Variants in ZWILCH observed in about 807,000 individuals in gnomAD.
The protein encoded by ZWILCH is protein zwilch homolog.
ZWILCH carries 74 observed loss-of-function variants against 79.9 expected under a neutral mutation model. The observed-to-expected ratio is 0.93, with a 90% CI of 0.77 to 1.12. The LOEUF (loss-of-function observed/expected upper bound fraction) is 1.12, where lower values mean the gene tolerates loss of function less well. ZWILCH is among the 50% of genes most tolerant of loss of function. ZWILCH has a pLI of 0.00. For missense variants in ZWILCH, 694 were observed against 687.5 expected (o/e 1.01, Z -0.11); for synonymous variants, 241 against 228.2 (o/e 1.06, Z -0.51).
chr15:66,540,276 G>GATTACAGGCGTGAGCCGCTGTGCCCAGC, intron 17 of ZWILCH, 66 bp downstream of exon 17: 1 of 1,361,688 alleles, frequency 7.3e-7, no homozygotes, highest in Non-Finnish European at 1.0e-6. Flanking sequence ...GTCTGGCTGG[G>GATTACAGGCGTGAGCCGCTGTGCCCAGC]CACAGCGGCT....
chr15:66,545,319 A>G (rs1895334947), intron 17 of ZWILCH, among the ~76,000 whole-genome samples: 1 of 152,048 alleles, frequency 6.6e-6, no homozygotes, highest in South Asian at 2.1e-4. Flanking sequence ...ACGCCATTGC[A>G]CTCCAGCCTG....
chr15:66,524,871 A>G (rs1372029950), intron 8 of ZWILCH, among the ~76,000 whole-genome samples: 2 of 151,954 alleles, frequency 1.3e-5, no homozygotes, highest in African/African-American at 4.8e-5. Context: ...GGCCTCCATC[A>G]TACTTTTGCC....
At chr15:66,523,114 C>T (rs1010147814) in intron 7 of ZWILCH, among the ~76,000 whole-genome samples, 18 of 152,202 alleles carry the variant, frequency 1.2e-4, no homozygotes, top group East Asian at 5.8e-4. Flanking sequence ...TGAGCTACTG[C>T]GCCCAGACAT....
rs200469112 is a variant in ZWILCH at position 66,505,345 on chromosome 15, G to C, written c.7G>C (p.Glu3Gln). 6.2e-7 allele frequency: 1 copy of C among 1,613,940 alleles called. No homozygotes were observed. The highest frequency in any genetic ancestry group is 8.5e-7 in the Non-Finnish European group (1 of 1,180,004). The stretch of plus-strand genomic sequence containing the variant: ...GCTCTCACATTGGGGCGGGATGTGG[G>C]AGCGGCTGAACTGCGCAGCAGAGGA... MW[E>Q]RLNCAAEDFY... Residue 3 changes from glutamate (E) to glutamine (Q), a missense_variant, in exon 1 of 19, where the codon GAG (glutamate) becomes CAG (glutamine). By Grantham distance (29) the Glu-to-Gln change is conservative. Transcript: ENST00000307897.
chr15:66,536,476 C>G (rs1895020007), intron 15 of ZWILCH, among the ~76,000 whole-genome samples: 2 of 152,142 alleles, frequency 1.3e-5, no homozygotes, highest in Non-Finnish European at 2.9e-5. Flanking sequence ...AGTAGCATTG[C>G]TGTAATTGTA....
chr15:66,510,807 A>G (rs1171013539), intron 2 of ZWILCH, among the ~76,000 whole-genome samples: 1 of 152,160 alleles, frequency 6.6e-6, no homozygotes, highest in African/African-American at 2.4e-5. Flanking sequence ...TTGTAAACAC[A>G]TCACTCAAAT....
In ZWILCH at chr15:66,527,278, A is replaced by G; in HGVS notation, c.820-12A>G. On this transcript the variant is annotated splice_polypyrimidine_tract_variant and intron_variant, in intron 8 of 18. Coordinates refer to ENST00000307897, the MANE Select transcript of ZWILCH (RefSeq NM_017975.5). ...TGCTAACAAGTTTTTGGGGTTTTTA[A>G]ATCTCCTGTAGGTTTTGGCTGATGG... The G allele has an allele frequency of 6.2e-7, 1 of 1,610,136 alleles. No individual in the cohort carries two copies. Among genetic ancestry groups the G allele is most frequent in the Non-Finnish European group, 8.5e-7 (1 of 1,177,872 alleles).
intron 1 of ZWILCH, among the ~76,000 whole-genome samples, chr15:66,506,409 C>T (rs1378993369): frequency 1.3e-5 from 2 of 152,190 alleles, no homozygotes; most frequent in Non-Finnish European, 2.9e-5. Context: ...TGGTTCACGC[C>T]TGTAATCCCA....
chr15:66,545,456 G>A (rs769374970), intron 17 of ZWILCH, among the ~76,000 whole-genome samples: 8 of 152,350 alleles, frequency 5.3e-5, no homozygotes, highest in Middle Eastern at 3.4e-3. Flanking sequence ...GAATAAGCAA[G>A]TATACTGAAC....
chr15:66,540,250 A>G (rs748552702), intron 17 of ZWILCH, 40 bp downstream of exon 17: 1 of 1,521,058 alleles, frequency 6.6e-7, no homozygotes, highest in South Asian at 1.2e-5. Context: ...AATAATTCCA[A>G]CAGAAAATAA....
At chr15:66,525,545 T>G (rs940880674) in intron 8 of ZWILCH, among the ~76,000 whole-genome samples, 2 of 152,158 alleles carry the variant, frequency 1.3e-5, no homozygotes, top group African/African-American at 4.8e-5. Flanking sequence ...AGTTAAAATC[T>G]TTACCATCTT....
chr15:66,523,869 A>G, intron 8 of ZWILCH, 121 bp downstream of exon 8: 1 of 638,716 alleles, frequency 1.6e-6, no homozygotes, highest in Non-Finnish European at 2.5e-6. Flanking sequence ...TATCCATTAG[A>G]AGCTCTGACA....
chr15:66,509,869 ATCTCTTAAAAATCAATGAGGAAGATG>A (rs1567039484), intron 2 of ZWILCH, among the ~76,000 whole-genome samples: 2 of 102,226 alleles, frequency 2.0e-5, no homozygotes, highest in Non-Finnish European at 4.2e-5. Context: ...ATATATATAT[ATCTCTTAAAAATCAATGAGGAAGATG>A]GCTGGGCACG....
At chr15:66,526,652 C>T (rs1338791608) in intron 8 of ZWILCH, among the ~76,000 whole-genome samples, 6 of 151,886 alleles carry the variant, frequency 4.0e-5, no homozygotes, top group East Asian at 3.9e-4. Context: ...ATAGTAGAGA[C>T]GGGGTTTCAC....
At position 66,529,224 on chromosome 15, in the gene ZWILCH, A is replaced by G. The variant is rs1346343930; in HGVS notation, c.1075+267A>G. Among the ~76,000 whole-genome samples, 29 of 152,168 alleles carry G rather than the reference A, an allele frequency of 1.9e-4. 1 individual carries two copies. The highest frequency in any genetic ancestry group is 4.4e-5 in the Non-Finnish European group (3 of 68,034). The stretch of plus-strand genomic sequence containing the variant: ...TCTATTTATATGAACCAAAACATAT[A>G]CCTTACTGAAATTATAATTATTGAA... On this transcript the variant is annotated intron_variant, in intron 11 of 18. Transcript: ENST00000307897.
intron 2 of ZWILCH, among the ~76,000 whole-genome samples, chr15:66,509,511 A>G (rs924213608): frequency 2.0e-5 from 3 of 152,042 alleles, no homozygotes; most frequent in Non-Finnish European, 4.4e-5. Flanking sequence ...AATTCATTCT[A>G]TTTCTGAGTA....
At position 66,548,369 on chromosome 15, in the gene ZWILCH, A is replaced by G. The variant is rs565500481; in HGVS notation, c.*45A>G. 13 of 495,532 alleles carry G rather than the reference A, an allele frequency of 2.6e-5. No individual in the cohort carries two copies. In the Admixed American group the frequency reaches 3.8e-4, roughly 15 times the overall value. 30.7% of individuals were successfully genotyped at this position (495,532 alleles called of 1,614,324 possible). Reference sequence around the variant, plus strand: ...ATCCCAGCACAAGCCAAAAAGAGAAAGAGAAAAAAAGGTAATTATTGTAGA... The same window carrying G: ...ATCCCAGCACAAGCCAAAAAGAGAAGGAGAAAAAAAGGTAATTATTGTAGA... On this transcript the variant is annotated 3_prime_UTR_variant, in exon 19 of 19. Transcript: ENST00000307897.
rs992333727 is a variant in ZWILCH, at chr15:66,549,328, A to C, written c.*1004A>C. 2 of 152,178 alleles carry C rather than the reference A, an allele frequency of 1.3e-5. No individual in the cohort carries two copies. Among genetic ancestry groups the C allele is most frequent in the African/African-American group, 4.8e-5 (2 of 41,430 alleles). 9.4% of individuals were successfully genotyped at this position (152,178 alleles called of 1,614,324 possible). On this transcript the variant is annotated 3_prime_UTR_variant, in exon 19 of 19. Coordinates refer to ENST00000307897, the MANE Select transcript of ZWILCH (RefSeq NM_017975.5). ...ATTTAAATTTGTTGAGGGGGATTGC[A>C]TGTTGCTTTATTGGCCTGTAAAAAT...
At chr15:66,520,986 G>A (rs558482355) in intron 6 of ZWILCH, 64 bp from the exon 7 acceptor site, 16 of 1,540,034 alleles carry the variant, frequency 1.0e-5, no homozygotes, top group African/African-American at 8.3e-5. Flanking sequence ...AAAATAATTT[G>A]GGTAATGGAC....
Sources: allele counts gnomAD v4.1 joint callset (sites outside exome capture counted in the v4.1 genomes callset), GRCh38; gene constraint gnomAD v4.1.1; transcripts MANE v1.5; gene names NCBI Gene and HGNC (gene_info 2026-07-23, HGNC 2026-07-21).